Variants in OXNAD1 observed in about 807,000 individuals in gnomAD.
OXNAD1 encodes the protein oxidoreductase NAD binding domain containing 1.
A neutral mutation model predicts 32.9 loss-of-function variants in OXNAD1; 34 were observed. That is an observed-to-expected ratio of 1.03 (90% CI 0.79 to 1.38). OXNAD1 has a LOEUF of 1.38. Ranked by LOEUF, OXNAD1 falls within the 40% of genes most tolerant of loss-of-function variation. OXNAD1 has a pLI of 0.00. For missense variants in OXNAD1, 407 were observed against 379.4 expected, an observed-to-expected ratio of 1.07 and a Z score of -0.60; for synonymous variants, 134 against 135.2, an observed-to-expected ratio of 0.99 and a Z score of 0.06.
In OXNAD1 at chr3:16,335,798, A is replaced by C. The variant is rs937043028; in HGVS notation, c.*31-1314A>C. ...CTTTAAAAAAAAAAAAAAAAAAAGGAGTTTGATCACACCATCAAATATCTC... is the reference window on the plus strand; with the variant it reads ...CTTTAAAAAAAAAAAAAAAAAAAGGCGTTTGATCACACCATCAAATATCTC... On this transcript the variant is annotated intron_variant, in intron 9 of 9. Coordinates refer to the OXNAD1 transcript ENST00000435829. This position sits in a 1 kb window ranked among gnomAD's most constrained non-coding sequence, Gnocchi z 4.7. Among the ~76,000 whole-genome samples, 3 of 145,206 alleles carry C rather than the reference A, an allele frequency of 2.1e-5. No homozygotes were observed. The highest frequency in any genetic ancestry group is 4.5e-5 in the Non-Finnish European group (3 of 66,538).
At chr3:16,341,061 G>A (rs1185983700), downstream of OXNAD1, among the ~76,000 whole-genome samples, 1 of 152,182 alleles carries the variant, frequency 6.6e-6, no homozygotes, top group Admixed American at 6.5e-5. The surrounding 1 kb of genome is among the most constrained non-coding windows in gnomAD (Gnocchi z 4.7). Flanking sequence ...ATAAAAAGAT[G>A]CTCAACATCA....
At position 16,320,633 on chromosome 3, in the gene OXNAD1, G is replaced by A. The variant is rs2068940454; in HGVS notation, c.*31-16479G>A. On this transcript the variant is annotated intron_variant, in intron 9 of 9. Coordinates refer to the OXNAD1 transcript ENST00000435829. The surrounding 1 kb of genome is among the most constrained non-coding windows in gnomAD (Gnocchi z 4.5). ...TGGTTCTTTTCCAGGGTAGTACAAA[G>A]GAGTCTGGTTTGGTATAAAAGGAGA... is the stretch of plus-strand genomic sequence containing the variant. Among the ~76,000 whole-genome samples, 1 of 152,222 alleles carries A rather than the reference G, an allele frequency of 6.6e-6. No homozygotes were observed. The highest frequency in any genetic ancestry group is 6.5e-5 in the Admixed American group (1 of 15,288).
intron 2 of OXNAD1, among the ~76,000 whole-genome samples, chr3:16,270,237 T>A (rs2064827428): frequency 6.6e-6 from 1 of 152,254 alleles, no homozygotes; most frequent in African/African-American, 2.4e-5. Context: ...TGGATTCATT[T>A]TCTCTGTTTT....
chr3:16,278,106 T>G (rs1575070555), intron 4 of OXNAD1, among the ~76,000 whole-genome samples: 1 of 152,150 alleles, frequency 6.6e-6, no homozygotes, highest in East Asian at 1.9e-4. Flanking sequence ...ATTTCTTAAA[T>G]TACTAATTCA....
chr3:16,351,764 AGTT>A (rs3830528), downstream of OXNAD1, among the ~76,000 whole-genome samples: 80 of 152,356 alleles, frequency 5.3e-4, no homozygotes, highest in East Asian at 0.015. This position sits in a 1 kb window ranked among gnomAD's most constrained non-coding sequence, Gnocchi z 5.4. Flanking sequence ...TGCAAAAACA[AGTT>A]GTTTCTCAAA....
chr3:16,300,714 A>C (rs1257662927), intron 6 of OXNAD1, among the ~76,000 whole-genome samples: 3 of 152,198 alleles, frequency 2.0e-5, no homozygotes, highest in Non-Finnish European at 2.9e-5. Context: ...GTACTCCTAC[A>C]ATGGCTGATT....
Position 16,287,628 on chromosome 3 carries a change from C to T in OXNAD1, c.290+1180C>T, listed in dbSNP as rs563935539. ...GGAAATGTTTGTGTCCTGTGCAAAG[C>T]ACTGTCTCCGTGCCTTCAACTCTGA... is the stretch of plus-strand genomic sequence containing the variant. On this transcript the variant is annotated intron_variant, in intron 5 of 8. Coordinates refer to ENST00000285083, the MANE Select transcript of OXNAD1 (RefSeq NM_138381.5). The surrounding 1 kb of genome is among the most constrained non-coding windows in gnomAD (Gnocchi z 4.8). Among the ~76,000 whole-genome samples, 107 of 152,298 alleles carry T rather than the reference C, an allele frequency of 7.0e-4. No homozygotes were observed. Among genetic ancestry groups the T allele is most frequent in the African/African-American group, 2.4e-3 (98 of 41,558 alleles).
At position 16,290,045 on chromosome 3, in the gene OXNAD1, C is replaced by A. The variant is rs2066326203; in HGVS notation, c.290+3597C>A. On this transcript the variant is annotated intron_variant, in intron 5 of 8. Coordinates refer to ENST00000285083, the MANE Select transcript of OXNAD1 (RefSeq NM_138381.5). The surrounding 1 kb of genome is among the most constrained non-coding windows in gnomAD (Gnocchi z 4.2). ...GGGCTCTGAGAACTGTAGGCAAGGACTAAAGAGTTCTGGGATCTCATAGTA... is the reference window on the plus strand; with the variant it reads ...GGGCTCTGAGAACTGTAGGCAAGGAATAAAGAGTTCTGGGATCTCATAGTA... Among the ~76,000 whole-genome samples, 1 of 152,152 alleles carries A rather than the reference C, an allele frequency of 6.6e-6. No individual in the cohort carries two copies. Among genetic ancestry groups the A allele is most frequent in the South Asian group, 2.1e-4 (1 of 4,834 alleles).
chr3:16,269,149 A>C lies in OXNAD1; in HGVS notation c.-135A>C, dbSNP rs1304743826. 6.7e-7 allele frequency: 1 copy of C among 1,493,936 alleles called. No homozygotes were observed. Among genetic ancestry groups the C allele is most frequent in the Non-Finnish European group, 8.9e-7 (1 of 1,129,730 alleles). 92.5% of individuals were successfully genotyped at this position (1,493,936 alleles called of 1,614,324 possible). A position where few individuals can be genotyped will look rare whatever the true frequency, so the allele number is the denominator to read the frequency against. ...AGGAACTTTGTGAGAATTTTAATGC[A>C]TGGAAAAGCTGTCCATGTTCCAACT... On this transcript the variant is annotated 5_prime_UTR_variant, in exon 2 of 9. The change abolishes an upstream ATG in the 5' untranslated region. Transcript: ENST00000285083.
chr3:16,294,616 TTA>T (rs2066646770), intron 5 of OXNAD1, among the ~76,000 whole-genome samples: 1 of 152,222 alleles, frequency 6.6e-6, no homozygotes, highest in Admixed American at 6.5e-5. Flanking sequence ...ATTTGGTAGT[TTA>T]TGTCATTTTA....
rs1575206987 is a variant in OXNAD1 at position 16,316,546 on chromosome 3, T to G, written c.*30+12954T>G. ...GGTCCAGACCCTCTGGCTGGAGGAG[T>G]GGTGGAGCCAGGACTGGGCCTTCAG... On this transcript the variant is annotated intron_variant, in intron 9 of 9. Transcript: ENST00000435829. This position sits in a 1 kb window ranked among gnomAD's most constrained non-coding sequence, Gnocchi z 4.5. The G allele has an allele frequency of 4.3e-6, 2 of 460,022 alleles. No individual in the cohort carries two copies. The highest frequency in any genetic ancestry group is 4.4e-5 in the East Asian group (1 of 22,726). 28.5% of individuals were successfully genotyped at this position (460,022 alleles called of 1,614,324 possible).
chr3:16,306,642 ATTTG>A (rs879650690), downstream of OXNAD1, among the ~76,000 whole-genome samples: 3 of 152,098 alleles, frequency 2.0e-5, no homozygotes, highest in Admixed American at 2.0e-4. Flanking sequence ...AAACTGACTT[ATTTG>A]TTCTGTAGGC....
chr3:16,273,927 T>A (rs1246637146), intron 4 of OXNAD1, among the ~76,000 whole-genome samples: 3 of 151,154 alleles, frequency 2.0e-5, no homozygotes, highest in Non-Finnish European at 4.5e-5. Context: ...AAGACCTTTA[T>A]CTCCCTAAGG....
At chr3:16,279,946 C>G (rs139709815) in intron 4 of OXNAD1, among the ~76,000 whole-genome samples, 10 of 152,080 alleles carry the variant, frequency 6.6e-5, no homozygotes, top group African/African-American at 2.4e-4. Flanking sequence ...AAAGGAGAAG[C>G]TTGTTTTGTT....
At position 16,286,095 on chromosome 3, in the gene OXNAD1, A is replaced by AT. The variant is rs570017528; in HGVS notation, c.184-246dup. Among the ~76,000 whole-genome samples, 231 of 152,256 alleles carry AT rather than the reference A, an allele frequency of 1.5e-3. 4 individuals are homozygous for AT. Among genetic ancestry groups the AT allele is most frequent in the Non-Finnish European group, 8.8e-4 (60 of 68,038 alleles). Reference sequence around the variant, plus strand: ...AAATGCCGGTTAAAAGATCCCTTGAATAGATGATTTTTGAATGTAGGATAA... The same window carrying AT: ...AAATGCCGGTTAAAAGATCCCTTGAATTAGATGATTTTTGAATGTAGGATAA... On this transcript the variant is annotated intron_variant, in intron 4 of 8. Transcript: ENST00000285083.
chr3:16,303,637 A>AT lies in OXNAD1; in HGVS notation c.*83dup, dbSNP rs377625221. ...GCTCCTGTCCTTTGTGGCATGATTA[A>AT]TTTTTTTTATCTCTACTTGAGTTGT... On this transcript the variant is annotated 3_prime_UTR_variant, in exon 9 of 9. Coordinates refer to ENST00000285083, the MANE Select transcript of OXNAD1 (RefSeq NM_138381.5). This position sits in a 1 kb window ranked among gnomAD's most constrained non-coding sequence, Gnocchi z 4.8. 1.1e-4 allele frequency: 161 copies of AT among 1,457,288 alleles called. No individual in the cohort carries two copies. The highest frequency in any genetic ancestry group is 1.4e-4 in the South Asian group (10 of 71,486). 90.3% of individuals were successfully genotyped at this position (1,457,288 alleles called of 1,614,324 possible).
Position 16,334,489 on chromosome 3 carries a change from G to C in OXNAD1, c.*31-2623G>C, listed in dbSNP as rs766422989. On this transcript the variant is annotated intron_variant, in intron 9 of 9. Coordinates refer to the OXNAD1 transcript ENST00000435829. This position sits in a 1 kb window ranked among gnomAD's most constrained non-coding sequence, Gnocchi z 4.3. Reference sequence around the variant, plus strand: ...AGCGGTCTGCAGTAGCAAGACACTGGAAACTACTCAAGTGCCCATCAGTGC... The same window carrying C: ...AGCGGTCTGCAGTAGCAAGACACTGCAAACTACTCAAGTGCCCATCAGTGC... Among the ~76,000 whole-genome samples the C allele has an allele frequency of 2.0e-5, 3 of 152,164 alleles. No homozygotes were observed. The highest frequency in any genetic ancestry group is 1.5e-5 in the Non-Finnish European group (1 of 68,034).
intron 6 of OXNAD1, among the ~76,000 whole-genome samples, chr3:16,296,519 C>G (rs1310170858): frequency 6.6e-6 from 1 of 152,044 alleles, no homozygotes; most frequent in African/African-American, 2.4e-5. Context: ...ATAGCTAAAA[C>G]AATTTTGAAA....
At chr3:16,333,012 C>T (rs1231067561) in intron 9 of OXNAD1, among the ~76,000 whole-genome samples, 1 of 152,136 alleles carries the variant, frequency 6.6e-6, no homozygotes, top group African/African-American at 2.4e-5. Context: ...CAATATATAA[C>T]CTTGTTTAAT....
Sources: allele counts gnomAD v4.1 joint callset (sites outside exome capture counted in the v4.1 genomes callset), GRCh38; gene constraint gnomAD v4.1.1; non-coding constraint Gnocchi (gnomAD v3.1); transcripts MANE v1.5; gene names NCBI Gene and HGNC (gene_info 2026-07-23, HGNC 2026-07-21).